Variants in GANC observed in about 807,000 individuals in gnomAD.
GANC encodes the protein neutral alpha-glucosidase C.
GANC carries 117 observed loss-of-function variants against 124.2 expected under a neutral mutation model. The observed-to-expected ratio is 0.94, with a 90% confidence interval of 0.81 to 1.10. The LOEUF (loss-of-function observed/expected upper bound fraction) is 1.10. Among genes scored for constraint, GANC ranks in the 50% least tolerant of loss-of-function variants. GANC has a pLI of 0.00. For missense variants in GANC, 1,140 were observed against 1,095.0 expected, an observed-to-expected ratio of 1.04 and a Z score of -0.58; for synonymous variants, 377 against 376.8, an observed-to-expected ratio of 1.00 and a Z score of -0.01.
chr15:42,327,723 G>A (rs2052209219), intron 13 of GANC, among the ~76,000 whole-genome samples: 1 of 151,996 alleles, frequency 6.6e-6, no homozygotes, highest in Non-Finnish European at 1.5e-5. Flanking sequence ...TTTTCAAATT[G>A]CTATATATAT....
chr15:42,312,522 G>C (rs963734102), intron 10 of GANC, among the ~76,000 whole-genome samples: 1 of 152,218 alleles, frequency 6.6e-6, no homozygotes, highest in African/African-American at 2.4e-5. Context: ...ATGTAGAACT[G>C]TAAGTTCTAC....
In GANC at chr15:42,310,769, A is replaced by G; in HGVS notation, c.980A>G (p.Glu327Gly). The part of the protein sequence containing the change: ...RSRTHVHWMS[E>G]SGIIDVFLLT... ...CGCACTCATGTGCACTGGATGTCAG[A>G]GAGTGGCATCATTGATGTTTTTCTG... Residue 327 changes from glutamate (E) to glycine (G), a missense_variant, in exon 10 of 24, where the codon GAG becomes GGG. Glu to Gly is a moderately conservative substitution (Grantham distance 98). Coordinates refer to ENST00000318010, the MANE Select transcript of GANC (RefSeq NM_198141.3). 6.2e-7 allele frequency: 1 copy of G among 1,614,190 alleles called. No individual in the cohort carries two copies. Among genetic ancestry groups the G allele is most frequent in the Non-Finnish European group, 8.5e-7 (1 of 1,180,010 alleles).
At chr15:42,346,662 A>G (rs113102767) in intron 20 of GANC, among the ~76,000 whole-genome samples, 13,096 of 152,280 alleles carry the variant, frequency 0.086, 653 homozygotes, top group South Asian at 0.18. Context: ...ACTGAAAACA[A>G]AAAACATGGT....
chr15:42,277,340 G>A (rs991850250), intron 2 of GANC, among the ~76,000 whole-genome samples: 7 of 152,046 alleles, frequency 4.6e-5, no homozygotes, highest in South Asian at 4.2e-4. Flanking sequence ...AGACCAGCCT[G>A]ACCAACATGC....
At chr15:42,305,040 A>G (rs965513244) in intron 6 of GANC, among the ~76,000 whole-genome samples, 33 of 6,410 alleles carry the variant, frequency 5.1e-3, no homozygotes, top group Admixed American at 0.048. Context: ...CATTCAGGAC[A>G]TAAGAAATGG....
intron 10 of GANC, among the ~76,000 whole-genome samples, chr15:42,315,445 A>T (rs2052093623): frequency 6.6e-6 from 1 of 152,224 alleles, no homozygotes; most frequent in Non-Finnish European, 1.5e-5. Context: ...ACAGTAAAAT[A>T]TCACTTCACA....
chr15:42,297,836 TATTCATTCATTC>T (rs55989118), intron 6 of GANC, among the ~76,000 whole-genome samples, 180 bp downstream of exon 6: 2 of 151,568 alleles, frequency 1.3e-5, no homozygotes, highest in African/African-American at 4.9e-5. Context: ...TTCATTCATT[TATTCATTCATTC>T]ATTCATTCAT....
intron 6 of GANC, among the ~76,000 whole-genome samples, chr15:42,299,423 G>A (rs550491100): frequency 1.2e-4 from 19 of 152,254 alleles, no homozygotes; most frequent in Admixed American, 3.9e-4. Flanking sequence ...ACTTGATCGT[G>A]GTGGATAAAT....
At chr15:42,284,613 T>G (rs1441814884) in intron 3 of GANC, among the ~76,000 whole-genome samples, 1 of 152,208 alleles carries the variant, frequency 6.6e-6, no homozygotes, top group Non-Finnish European at 1.5e-5. Context: ...AGCTTCTCTG[T>G]GTAATTGGAT....
intron 17 of GANC, 74 bp from the exon 18 acceptor site, chr15:42,340,616 A>G (rs1004836353): frequency 3.2e-6 from 4 of 1,238,398 alleles, no homozygotes; most frequent in East Asian, 2.4e-5. Context: ...AAAAAAAAAA[A>G]ACTAAAAATA....
At chr15:42,346,615 G>C (rs1019676801) in intron 20 of GANC, among the ~76,000 whole-genome samples, 1 of 152,026 alleles carries the variant, frequency 6.6e-6, no homozygotes, top group Non-Finnish European at 1.5e-5. Context: ...CCTCTTCCCC[G>C]TATGTTTACA....
chr15:42,346,096 T>G (rs987937848), intron 20 of GANC, among the ~76,000 whole-genome samples: 1 of 152,202 alleles, frequency 6.6e-6, no homozygotes, highest in African/African-American at 2.4e-5. Flanking sequence ...TCAGTTTTCT[T>G]CTTACAAGGA....
intron 5 of GANC, among the ~76,000 whole-genome samples, chr15:42,297,165 C>A (rs1175543697): frequency 6.6e-6 from 1 of 151,524 alleles, no homozygotes; most frequent in Non-Finnish European, 1.5e-5. Flanking sequence ...ACCTTGCTTA[C>A]TTAGATTTTG....
chr15:42,305,009 A>G (rs1194315813), intron 6 of GANC, among the ~76,000 whole-genome samples: 1 of 149,692 alleles, frequency 6.7e-6, no homozygotes, highest in East Asian at 2.0e-4. Flanking sequence ...TAAAAACCCT[A>G]GAAGAAAACG....
In GANC at chr15:42,274,438, C is replaced by T. The variant is rs1226913573; in HGVS notation, c.-44C>T. The T allele has an allele frequency of 6.2e-7, 1 of 1,602,012 alleles. No individual in the cohort carries two copies. The highest frequency in any genetic ancestry group is 8.5e-7 in the Non-Finnish European group (1 of 1,174,212). The stretch of plus-strand genomic sequence containing the variant: ...GCTTTTTTAAAAGATCGCCCAGGGC[C>T]CTTGTCCTGAGAGCTGGGAGCTGGT... On this transcript the variant is annotated 5_prime_UTR_variant, in exon 1 of 24. Coordinates refer to ENST00000318010, the MANE Select transcript of GANC (RefSeq NM_198141.3).
chr15:42,336,865 A>G (rs1384722375), intron 15 of GANC, among the ~76,000 whole-genome samples: 1 of 152,234 alleles, frequency 6.6e-6, no homozygotes, highest in Non-Finnish European at 1.5e-5. Context: ...ACATGTGGCC[A>G]ACAAGCATGT....
At chr15:42,282,548 A>G (rs878943514) in intron 3 of GANC, among the ~76,000 whole-genome samples, 1 of 152,178 alleles carries the variant, frequency 6.6e-6, no homozygotes, top group South Asian at 2.1e-4. Context: ...GCAGTTCTCA[A>G]ATTACACTGA....
chr15:42,283,460 T>C (rs913190266), intron 3 of GANC: 16 of 602,356 alleles, frequency 2.7e-5, no homozygotes, highest in Non-Finnish European at 4.4e-5. Context: ...TCTTGTGATC[T>C]AGGCAAAGGA....
chr15:42,338,581 T>A, intron 16 of GANC, 91 bp downstream of exon 16: 5 of 889,296 alleles, frequency 5.6e-6, no homozygotes, highest in Non-Finnish European at 9.2e-6. Context: ...TCTCATTAGC[T>A]GTTGTGGGCA....
Sources: gnomAD v4.1 joint callset for allele counts (sites outside exome capture counted in the v4.1 genomes callset) on GRCh38, gnomAD v4.1.1 for gene constraint, MANE v1.5 for transcripts, NCBI Gene and HGNC (gene_info 2026-07-23, HGNC 2026-07-21) for gene names.